MTERF4: variants seen among roughly 807,000 people sequenced by gnomAD.
MTERF4 encodes transcription termination factor 4, mitochondrial.
MTERF4 carries 17 observed loss-of-function variants against 22.5 expected under a neutral mutation model. The observed-to-expected ratio is 0.75, with a 90% CI of 0.52 to 1.13. The LOEUF (loss-of-function observed/expected upper bound fraction) is 1.13. Among genes scored for constraint, MTERF4 ranks in the 50% most tolerant of loss-of-function variants. MTERF4 has a pLI of 0.00. For missense variants in MTERF4, 420 were observed against 466.8 expected (o/e 0.90, Z 0.92); for synonymous variants, 165 against 175.3 (o/e 0.94, Z 0.47).
the MTERF4 span, chr2:241,049,705 G>A: frequency 8.0e-6 from 6 of 745,986 alleles, no homozygotes; most frequent in South Asian, 9.6e-5. Context: ...AGTGGCCTTG[G>A]TTCCAGACAG....
the MTERF4 span, chr2:241,053,032 T>C: frequency 2.2e-6 from 2 of 924,166 alleles, no homozygotes; most frequent in Non-Finnish European, 3.2e-6. Context: ...CTTTCCCCGG[T>C]GAAGGGCAGT....
In MTERF4 at chr2:241,099,767, C is replaced by T. The variant is rs755774729; in HGVS notation, c.149G>A (p.Gly50Glu). The T allele has an allele frequency of 5.6e-6, 9 of 1,614,034 alleles. No individual in the cohort carries two copies. Among genetic ancestry groups the T allele is most frequent in the South Asian group, 4.4e-5 (4 of 91,080 alleles). ...LRKLTTASNG[G>E]VIEELSCVRS... is the part of the protein sequence containing the mutation. Reference sequence around the variant, plus strand: ...AACACAAGATAACTCCTCAATGACCCCTCCATTGGAGGCTGTAGTCAGTTT... The same window carrying T: ...AACACAAGATAACTCCTCAATGACCTCTCCATTGGAGGCTGTAGTCAGTTT... The change falls in exon 2 of 4, where the codon GGG becomes GAG. Residue 50 changes from glycine (G) to glutamate (E), a missense_variant. Physicochemically the swap from Gly to Glu is moderately conservative, Grantham distance 98. Transcript: ENST00000391980.
chr2:241,045,162 A>G, the MTERF4 span, among the ~76,000 whole-genome samples: 2 of 152,376 alleles, frequency 1.3e-5, no homozygotes, highest in South Asian at 4.1e-4. Flanking sequence ...ATCAAGATCA[A>G]GTAAATGGAC....
the MTERF4 span, among the ~76,000 whole-genome samples, chr2:241,049,336 C>T: frequency 5.9e-5 from 9 of 152,176 alleles, no homozygotes; most frequent in African/African-American, 2.2e-4. Context: ...AGTAAGCTCA[C>T]AGGGGGAAAA....
rs932188642 is a variant in MTERF4, at chr2:241,075,214, A to G, written n.948T>C. On this transcript the variant is annotated non_coding_transcript_exon_variant, in exon 5 of 5. Transcript: ENST00000464344. The surrounding 1 kb of genome is among the most constrained non-coding windows in gnomAD (Gnocchi z 4.8). ...GCAGTGCTGCAGTGGATGTTCCTGT[A>G]CAGGTTTTCCAGTACGTGTGCGGGA... 3 of 152,104 alleles carry G rather than the reference A, an allele frequency of 2.0e-5. No individual in the cohort carries two copies. Among genetic ancestry groups the G allele is most frequent in the Non-Finnish European group, 4.4e-5 (3 of 68,026 alleles). 9.4% of individuals were successfully genotyped at this position (152,104 alleles called of 1,614,324 possible). A position where few individuals can be genotyped will look rare whatever the true frequency, so the allele number is the denominator to read the frequency against.
chr2:241,086,211 A>G (rs2063566525), downstream of MTERF4, among the ~76,000 whole-genome samples: 1 of 151,770 alleles, frequency 6.6e-6, no homozygotes, highest in Non-Finnish European at 1.5e-5. Context: ...AGATCTCTCT[A>G]CTCTGGCTCT....
downstream of MTERF4, chr2:241,070,002 C>G: frequency 6.2e-7 from 1 of 1,612,986 alleles, no homozygotes; most frequent in Non-Finnish European, 8.5e-7. Context: ...CGACTCCAGG[C>G]AGCTTGCTGG....
chr2:241,044,206 G>C, the MTERF4 span, among the ~76,000 whole-genome samples: 45 of 152,176 alleles, frequency 3.0e-4, no homozygotes, highest in Non-Finnish European at 5.9e-4. Flanking sequence ...TAGTCATATT[G>C]GTAGTTACAT....
chr2:241,079,269 G>A (rs1368706993), intron 4 of MTERF4, among the ~76,000 whole-genome samples: 17 of 149,358 alleles, frequency 1.1e-4, no homozygotes, highest in South Asian at 4.3e-4. Context: ...AAAATTAGCC[G>A]GGCGCAGTGG....
chr2:241,080,440 C>T (rs1460750728), intron 4 of MTERF4, among the ~76,000 whole-genome samples: 2 of 152,124 alleles, frequency 1.3e-5, no homozygotes, highest in Admixed American at 6.5e-5. Flanking sequence ...TAATAGGGAG[C>T]GGTGTGAGTG....
At chr2:241,065,691 C>T in the MTERF4 span, 1 of 1,058,544 alleles carries the variant, frequency 9.4e-7, no homozygotes, top group Non-Finnish European at 1.4e-6. Flanking sequence ...ATGCCGTCCA[C>T]CCTCCTAGTT....
downstream of MTERF4, chr2:241,087,566 T>C (rs571942414): frequency 1.0e-3 from 1,512 of 1,485,770 alleles, 2 homozygotes; most frequent in Non-Finnish European, 1.3e-3. Flanking sequence ...GCTGCAGGCC[T>C]GTGGGCTGAG....
Position 241,078,351 on chromosome 2 carries a change from G to C in MTERF4, n.480-2669C>G, listed in dbSNP as rs534692610. Reference sequence around the variant, plus strand: ...TGAGGTGAGATCGCGCCACTGCACTGCAGCCTGGGAGACAGAACTAGACTC... The same window carrying C: ...TGAGGTGAGATCGCGCCACTGCACTCCAGCCTGGGAGACAGAACTAGACTC... On this transcript the variant is annotated intron_variant and non_coding_transcript_variant, in intron 4 of 4. Transcript: ENST00000464344. Among the ~76,000 whole-genome samples the C allele has an allele frequency of 3.5e-4, 51 of 145,760 alleles. 1 individual carries two copies. The highest frequency in any genetic ancestry group is 2.8e-3 in the South Asian group (13 of 4,696).
the MTERF4 span, chr2:241,052,065 G>T: frequency 6.2e-7 from 1 of 1,613,892 alleles, no homozygotes; most frequent in South Asian, 1.1e-5. Context: ...TGTGCCTCTG[G>T]CCCCTGTCAC....
rs187686984 is a variant in MTERF4 at position 241,081,457 on chromosome 2, G to A, written n.480-5775C>T. ...TCCTTCCAGTAATGAGGTCAGGGCC[G>A]AGCACACTGCGGCCTGTCTCCTCAC... On this transcript the variant is annotated intron_variant and non_coding_transcript_variant, in intron 4 of 4. Transcript: ENST00000464344. Among the ~76,000 whole-genome samples, 9 of 152,238 alleles carry A rather than the reference G, an allele frequency of 5.9e-5. No homozygotes were observed. In the South Asian group the frequency reaches 1.2e-3, roughly 21 times the overall value.
the MTERF4 span, chr2:241,049,853 A>C: frequency 2.5e-6 from 4 of 1,613,718 alleles, no homozygotes; most frequent in South Asian, 2.2e-5. Flanking sequence ...CCCTGCTTCA[A>C]CGGAGGCTCC....
chr2:241,063,957 C>G, the MTERF4 span: 1 of 1,301,386 alleles, frequency 7.7e-7, no homozygotes, highest in Non-Finnish European at 1.1e-6. Flanking sequence ...GTCCTCTCCT[C>G]CCTCCCCCAG....
chr2:241,091,330 A>C (rs1240653105), downstream of MTERF4, among the ~76,000 whole-genome samples: 1 of 152,262 alleles, frequency 6.6e-6, no homozygotes, highest in Non-Finnish European at 1.5e-5. This position sits in a 1 kb window ranked among gnomAD's most constrained non-coding sequence, Gnocchi z 4.1. Context: ...GGGAAGAGGA[A>C]CAGGCTGTGA....
the MTERF4 span, chr2:241,053,361 G>A: frequency 6.6e-7 from 1 of 1,526,550 alleles, no homozygotes; most frequent in Non-Finnish European, 8.8e-7. Flanking sequence ...GGGCAGGTGG[G>A]GCCCACACCC....
Sources: allele counts gnomAD v4.1 joint callset (sites outside exome capture counted in the v4.1 genomes callset), GRCh38; gene constraint gnomAD v4.1.1; non-coding constraint Gnocchi (gnomAD v3.1); transcripts MANE v1.5; gene names NCBI Gene and HGNC (gene_info 2026-07-23, HGNC 2026-07-21).